The following FAM53A variants were observed in gnomAD, a reference collection of about 807,000 sequenced individuals.
The protein encoded by FAM53A is family with sequence similarity 53 member A, also known as protein FAM53A.
A neutral mutation model predicts 26.6 loss-of-function variants in FAM53A; 28 were observed. The observed-to-expected ratio is 1.05, with a 90% CI of 0.78 to 1.45. FAM53A has a LOEUF of 1.45. FAM53A is among the 40% of genes most tolerant of loss of function. FAM53A has a pLI of 0.00. For synonymous variants in FAM53A, 290 were observed against 253.1 expected, an observed-to-expected ratio of 1.15 and a Z score of -1.38; for missense variants, 650 against 575.8, an observed-to-expected ratio of 1.13 and a Z score of -1.32.
intron 4 of FAM53A, among the ~76,000 whole-genome samples, chr4:1,646,280 T>C (rs1400347017): frequency 6.6e-6 from 1 of 152,108 alleles, no homozygotes; most frequent in Admixed American, 6.6e-5. Flanking sequence ...TTTGTATTTT[T>C]AGTAGAGACA....
intron 1 of FAM53A, among the ~76,000 whole-genome samples, chr4:1,621,804 G>A (rs1053504501): frequency 3.3e-5 from 5 of 152,356 alleles, no homozygotes; most frequent in African/African-American, 1.2e-4. Flanking sequence ...CCCTGGCACC[G>A]TGTTGGGGGA....
chr4:1,592,799 C>T, the FAM53A span, among the ~76,000 whole-genome samples: 1 of 152,064 alleles, frequency 6.6e-6, no homozygotes, highest in South Asian at 2.1e-4. Context: ...GGAGGAGAGG[C>T]GGCCGCGGGG....
At chr4:1,672,821 G>C (rs182806655) in intron 1 of FAM53A, among the ~76,000 whole-genome samples, 6 of 140,638 alleles carry the variant, frequency 4.3e-5, no homozygotes, top group Admixed American at 2.4e-4. Context: ...CCAGGCTGGA[G>C]TGCAGTGGTG....
At chr4:1,657,384 G>C in intron 3 of FAM53A, 24 bp downstream of exon 3, 1 of 1,609,912 alleles carries the variant, frequency 6.2e-7, no homozygotes, top group Non-Finnish European at 8.5e-7. Flanking sequence ...TCAGGCCTCC[G>C]GCCACAGCTC....
chr4:1,629,937 C>A (rs1050715949), intron 1 of FAM53A, among the ~76,000 whole-genome samples: 2 of 152,126 alleles, frequency 1.3e-5, no homozygotes, highest in African/African-American at 4.8e-5. Flanking sequence ...GTGGTTTATT[C>A]AGATGGGCCC....
chr4:1,585,130 C>T, the FAM53A span, among the ~76,000 whole-genome samples: 160 of 152,286 alleles, frequency 1.1e-3, 1 homozygote, highest in African/African-American at 3.7e-3. Flanking sequence ...ACAAAATCTA[C>T]TCTCAATGAC....
chr4:1,587,883 G>A, the FAM53A span, among the ~76,000 whole-genome samples: 4 of 152,088 alleles, frequency 2.6e-5, no homozygotes, highest in African/African-American at 9.7e-5. Context: ...TTAAATGATT[G>A]TATTTTAATT....
intron 2 of FAM53A, among the ~76,000 whole-genome samples, chr4:1,664,276 G>A (rs992920033): frequency 3.3e-5 from 5 of 152,142 alleles, no homozygotes; most frequent in South Asian, 4.1e-4. Flanking sequence ...TCTAGAATGC[G>A]CTATGAAATC....
the FAM53A span, among the ~76,000 whole-genome samples, chr4:1,612,597 CATAA>C: frequency 2.0e-5 from 3 of 152,232 alleles, no homozygotes; most frequent in Non-Finnish European, 4.4e-5. Context: ...ATGGCAGGTG[CATAA>C]ATGATACCTG....
chr4:1,647,970 G>GA (rs1712397552), intron 4 of FAM53A, among the ~76,000 whole-genome samples: 1 of 152,238 alleles, frequency 6.6e-6, no homozygotes, highest in Non-Finnish European at 1.5e-5. Flanking sequence ...AGCACTTTGG[G>GA]AGGTGAGGCA....
chr4:1,593,921 T>C, the FAM53A span, among the ~76,000 whole-genome samples: 2 of 152,182 alleles, frequency 1.3e-5, no homozygotes, highest in Admixed American at 1.3e-4. Flanking sequence ...GCAGGGTAAC[T>C]CTTGACCCTG....
At chr4:1,680,991 G>A (rs1577163371) in intron 1 of FAM53A, among the ~76,000 whole-genome samples, 1 of 152,214 alleles carries the variant, frequency 6.6e-6, no homozygotes, top group African/African-American at 2.4e-5. Flanking sequence ...TAATAAGCAT[G>A]TGTCCATGTA....
chr4:1,591,696 T>C, the FAM53A span, among the ~76,000 whole-genome samples: 1 of 152,046 alleles, frequency 6.6e-6, no homozygotes, highest in South Asian at 2.1e-4. Context: ...TGGGTGTGAG[T>C]TTGGGATCCA....
At chr4:1,619,668 G>C (rs1000847383) in intron 1 of FAM53A, among the ~76,000 whole-genome samples, 2 of 152,078 alleles carry the variant, frequency 1.3e-5, no homozygotes, top group Non-Finnish European at 2.9e-5. Context: ...TCACGCACCG[G>C]GCACCGGCCT....
chr4:1,652,351 ACAC>A (rs1346869017), intron 4 of FAM53A, among the ~76,000 whole-genome samples: 7 of 142,760 alleles, frequency 4.9e-5, no homozygotes, highest in East Asian at 2.1e-4. Flanking sequence ...TACACACACC[ACAC>A]GTCACACGCA....
At chr4:1,614,350 A>AGTGAGGGGGATGCAGAGAC (rs1419105623), downstream of FAM53A, among the ~76,000 whole-genome samples, 7 of 136,902 alleles carry the variant, frequency 5.1e-5, no homozygotes, top group Admixed American at 1.4e-4. Context: ...GATACAGAGA[A>AGTGAGGGGGATGCAGAGAC]GTGAGGGGGA....
At chr4:1,605,527 C>T in the FAM53A span, among the ~76,000 whole-genome samples, 139 of 152,310 alleles carry the variant, frequency 9.1e-4, no homozygotes, top group Admixed American at 3.5e-3. The surrounding 1 kb of genome is among the most constrained non-coding windows in gnomAD (Gnocchi z 5.7). Flanking sequence ...GAGGGGACGA[C>T]GCGCAACCAC....
chr4:1,647,418 A>C (rs1233795441), intron 4 of FAM53A, among the ~76,000 whole-genome samples: 1 of 151,898 alleles, frequency 6.6e-6, no homozygotes, highest in African/African-American at 2.4e-5. Context: ...CAGGGAAGGC[A>C]GTGCCCCTGC....
At chr4:1,675,618 T>G (rs1208722096) in intron 1 of FAM53A, among the ~76,000 whole-genome samples, 2 of 152,348 alleles carry the variant, frequency 1.3e-5, no homozygotes, top group East Asian at 3.9e-4. Context: ...GTTCCACCTC[T>G]GCACCCAGCT....
Sources: gnomAD v4.1 joint callset for allele counts (sites outside exome capture counted in the v4.1 genomes callset) on GRCh38, gnomAD v4.1.1 for gene constraint, Gnocchi (gnomAD v3.1) non-coding constraint, MANE v1.5 for transcripts, NCBI Gene and HGNC (gene_info 2026-07-23, HGNC 2026-07-21) for gene names.